Variants in RPA3 observed in about 807,000 individuals in gnomAD.
RPA3 encodes replication protein A3, also known as replication protein A 14 kDa subunit.
A neutral mutation model predicts 13.7 loss-of-function variants in RPA3; 24 were observed. That is an observed-to-expected ratio of 1.75 (90% CI 1.27 to 2.46). The LOEUF is 2.46. Among genes scored for constraint, RPA3 ranks in the 30% most tolerant of loss-of-function variants. The pLI is 0.00. For missense variants in RPA3, 183 were observed against 151.0 expected, an observed-to-expected ratio of 1.21 and a Z score of -1.11; for synonymous variants, 59 against 51.2, an observed-to-expected ratio of 1.15 and a Z score of -0.65.
chr7:7,697,039 A>T (rs1780337257), intron 2 of RPA3, among the ~76,000 whole-genome samples: 1 of 152,184 alleles, frequency 6.6e-6, no homozygotes, highest in Non-Finnish European at 1.5e-5. Context: ...CTTAGTACAC[A>T]TGCCAAGCAG....
At chr7:7,714,936 T>C (rs972076855) in intron 2 of RPA3, among the ~76,000 whole-genome samples, 1 of 150,412 alleles carries the variant, frequency 6.6e-6, no homozygotes, top group African/African-American at 2.5e-5. Context: ...ACAGGGGCAC[T>C]AGAATTAAAC....
chr7:7,665,072 C>A lies in RPA3; in HGVS notation c.-758+20758G>T, dbSNP rs532035622. Reference sequence around the variant, plus strand: ...ACATTATTCTGTCTATAGACAGTAGCTGCATCAATCACACAGGAATTTTAG... The same window carrying A: ...ACATTATTCTGTCTATAGACAGTAGATGCATCAATCACACAGGAATTTTAG... On this transcript the variant is annotated intron_variant, in intron 4 of 7. Transcript: ENST00000223129. Among the ~76,000 whole-genome samples, 41 of 152,232 alleles carry A rather than the reference C, an allele frequency of 2.7e-4. 1 individual carries two copies. The South Asian group carries it at 6.2e-3, about 23-fold the overall frequency.
intron 4 of RPA3, among the ~76,000 whole-genome samples, chr7:7,655,039 G>A (rs1785309073): frequency 6.6e-6 from 1 of 152,086 alleles, no homozygotes; most frequent in African/African-American, 2.4e-5. Flanking sequence ...TAGTAATTCT[G>A]GATTATGTAA....
chr7:7,675,927 C>A (rs564095013), intron 4 of RPA3, among the ~76,000 whole-genome samples: 1 of 152,182 alleles, frequency 6.6e-6, no homozygotes, highest in Admixed American at 6.5e-5. Flanking sequence ...CATTTCCCCC[C>A]AGGTGCAAAG....
intron 2 of RPA3, among the ~76,000 whole-genome samples, chr7:7,713,477 A>T (rs963861013): frequency 6.6e-6 from 1 of 150,866 alleles, no homozygotes; most frequent in Admixed American, 6.6e-5. Flanking sequence ...CCTCCCCCCC[A>T]TGGCAATATT....
chr7:7,645,375 T>C (rs1364603768), intron 4 of RPA3, among the ~76,000 whole-genome samples: 2 of 152,220 alleles, frequency 1.3e-5, no homozygotes, highest in African/African-American at 4.8e-5. Context: ...TTAGTACTTA[T>C]GTGGTAGTGC....
At chr7:7,643,576 A>T (rs1319318918) in intron 4 of RPA3, among the ~76,000 whole-genome samples, 1 of 152,200 alleles carries the variant, frequency 6.6e-6, no homozygotes, top group Non-Finnish European at 1.5e-5. Context: ...TCCAGGCGCG[A>T]TGGCGGGGGC....
At chr7:7,656,325 G>C (rs1302893531) in intron 4 of RPA3, among the ~76,000 whole-genome samples, 1 of 151,412 alleles carries the variant, frequency 6.6e-6, no homozygotes, top group Non-Finnish European at 1.5e-5. Flanking sequence ...TTTTTTTTTT[G>C]TTTTATTATA....
At chr7:7,693,298 T>TCTATCTAC (rs1780221530) in intron 2 of RPA3, among the ~76,000 whole-genome samples, 1 of 144,198 alleles carries the variant, frequency 6.9e-6, no homozygotes, top group South Asian at 2.1e-4. Context: ...AATATCTTTA[T>TCTATCTAC]CTATCTATCT....
At position 7,671,823 on chromosome 7, in the gene RPA3, A is replaced by G. The variant is rs551236036; in HGVS notation, c.-758+14007T>C. Among the ~76,000 whole-genome samples the G allele has an allele frequency of 2.0e-3, 309 of 152,116 alleles. 2 individuals carry two copies. Among genetic ancestry groups the G allele is most frequent in the Middle Eastern group, 6.8e-3 (2 of 294 alleles). Reference sequence around the variant, plus strand: ...GTTTTCAAACTTTTCTTTTGTATCTATTACTATATCCAGTAAGCACTTTCT... The same window carrying G: ...GTTTTCAAACTTTTCTTTTGTATCTGTTACTATATCCAGTAAGCACTTTCT... On this transcript the variant is annotated intron_variant, in intron 4 of 7. Transcript: ENST00000223129.
At chr7:7,681,740 T>C (rs374512327) in intron 4 of RPA3, among the ~76,000 whole-genome samples, 82 of 152,268 alleles carry the variant, frequency 5.4e-4, no homozygotes, top group African/African-American at 1.9e-3. Flanking sequence ...GCACTATTCG[T>C]AATTACCAGG....
intron 4 of RPA3, among the ~76,000 whole-genome samples, chr7:7,677,816 GGCGC>G (rs1779786170): frequency 6.7e-6 from 1 of 150,078 alleles, no homozygotes; most frequent in Non-Finnish European, 1.5e-5. Context: ...TGGGACTACA[GGCGC>G]CCGCCACTAC....
chr7:7,680,402 C>CT (rs1246740092), intron 4 of RPA3, among the ~76,000 whole-genome samples: 1 of 152,042 alleles, frequency 6.6e-6, no homozygotes, highest in Non-Finnish European at 1.5e-5. Flanking sequence ...GTCCATGTGT[C>CT]TGTTTTTATG....
chr7:7,712,663 A>C (rs1268993696), intron 2 of RPA3, among the ~76,000 whole-genome samples: 1 of 152,102 alleles, frequency 6.6e-6, no homozygotes, highest in African/African-American at 2.4e-5. Flanking sequence ...TTGTGGTTTC[A>C]TTTTATCTTT....
At chr7:7,717,406 G>T (rs1201462830) in intron 1 of RPA3, among the ~76,000 whole-genome samples, 1 of 152,156 alleles carries the variant, frequency 6.6e-6, no homozygotes, top group African/African-American at 2.4e-5. Context: ...CACTCCTTGT[G>T]TGTCCTCGTC....
intron 4 of RPA3, among the ~76,000 whole-genome samples, chr7:7,645,276 T>G (rs1785068105): frequency 6.6e-6 from 1 of 152,200 alleles, no homozygotes; most frequent in African/African-American, 2.4e-5. Flanking sequence ...AGTGTTTAAG[T>G]CAAGATGGGG....
chr7:7,699,806 G>C (rs1780412537), intron 2 of RPA3, among the ~76,000 whole-genome samples: 1 of 152,156 alleles, frequency 6.6e-6, no homozygotes, highest in Admixed American at 6.5e-5. Context: ...ATATTTGTTG[G>C]GGGAGAATGA....
In RPA3 at chr7:7,680,820, T is replaced by G. The variant is rs899670372; in HGVS notation, c.-758+5010A>C. 2.6e-5 allele frequency among the ~76,000 whole-genome samples: 4 copies of G among 152,140 alleles called. No individual in the cohort carries two copies. In the East Asian group the frequency reaches 7.7e-4, roughly 29 times the overall value. On this transcript the variant is annotated intron_variant, in intron 4 of 7. Coordinates refer to ENST00000223129, the MANE Select transcript of RPA3 (RefSeq NM_002947.5). ...CTGGTAGCTTTATAAATGGGATTACTTTCTTGGTTTCTTTTTCAAATTGTT... is the reference window on the plus strand; with the variant it reads ...CTGGTAGCTTTATAAATGGGATTACGTTCTTGGTTTCTTTTTCAAATTGTT...
At chr7:7,645,816 G>GA (rs1785080853) in intron 4 of RPA3, among the ~76,000 whole-genome samples, 1 of 125,012 alleles carries the variant, frequency 8.0e-6, no homozygotes, top group South Asian at 2.3e-4. Context: ...TTTTGTTTAG[G>GA]ATTTTTTTTT....
Sources: gnomAD v4.1 joint callset for allele counts (sites outside exome capture counted in the v4.1 genomes callset) on GRCh38, gnomAD v4.1.1 for gene constraint, MANE v1.5 for transcripts, NCBI Gene and HGNC (gene_info 2026-07-23, HGNC 2026-07-21) for gene names.